Variants in KBTBD7 observed in about 807,000 individuals in gnomAD.
KBTBD7 encodes kelch repeat and BTB domain containing 7, also known as kelch repeat and BTB domain-containing protein 7.
A neutral mutation model predicts 50.3 loss-of-function variants in KBTBD7; 25 were observed. The observed-to-expected ratio is 0.50, with a 90% CI of 0.36 to 0.69. KBTBD7 has a LOEUF of 0.69. Ranked by LOEUF, KBTBD7 falls within the 30% of genes least tolerant of loss-of-function variation. The pLI is 0.00. For synonymous variants in KBTBD7, 305 were observed against 325.3 expected, an observed-to-expected ratio of 0.94 and a Z score of 0.67; for missense variants, 653 against 869.5, an observed-to-expected ratio of 0.75 and a Z score of 3.13.
In KBTBD7 at chr13:41,192,924, G is replaced by A; in HGVS notation, c.1334C>T (p.Pro445Leu). 1.2e-6 allele frequency: 2 copies of A among 1,614,208 alleles called. No individual in the cohort carries two copies. The highest frequency in any genetic ancestry group is 8.5e-7 in the Non-Finnish European group (1 of 1,180,038). Residue 445 changes from proline (P) to leucine (L), a missense_variant, in exon 1 of 1, where the codon CCT becomes CTT. Around this residue, in one of 3 missense-constraint regions of KBTBD7, gnomAD observed 526 missense variants for 717.1 expected, o/e 0.73. Coordinates refer to ENST00000379483, the MANE Select transcript of KBTBD7 (RefSeq NM_032138.7). ...GYIYILGGRD[P>L]ITGVKLKEVE... ...TTCCTTCAACTTAACTCCAGTAATA[G>A]GGTCTCGTCCCCCCAAAATGTAGAT...
In KBTBD7 at chr13:41,194,245, C is replaced by G; in HGVS notation, c.13G>C (p.Glu5Gln). MQSREDVPRSRRLAS... is the reference protein window; with the variant it reads MQSRQDVPRSRRLAS... ...AGGCGGCGAGAGCGCGGGACGTCTT[C>G]CCGGGACTGCATGGTGGAGATGGCG... is the stretch of plus-strand genomic sequence containing the variant. Residue 5 changes from glutamate (E) to glutamine (Q), a missense_variant, in exon 1 of 1, where the codon GAA (glutamate) becomes CAA (glutamine). Transcript: ENST00000379483. 2 of 1,613,894 alleles carry G rather than the reference C, an allele frequency of 1.2e-6. No homozygotes were observed. The highest frequency in any genetic ancestry group is 1.3e-5 in the African/African-American group (1 of 75,064).
In KBTBD7 at chr13:41,193,031, T is replaced by C. The variant is rs539348551; in HGVS notation, c.1227A>G (p.Lys409=). ...AQPRKDLWVY[K]PAQNSWQQLA... is the part of the protein sequence containing the mutation. ...GTTGCTGCCAACTATTCTGAGCTGG[T>C]TTATACACCCAGAGGTCTTTCCTGG... The change falls in exon 1 of 1, where the codon AAA becomes AAG. Residue 409 remains lysine, a synonymous_variant. Coordinates refer to ENST00000379483, the MANE Select transcript of KBTBD7 (RefSeq NM_032138.7). The surrounding 1 kb of genome is among the most constrained non-coding windows in gnomAD (Gnocchi z 5.7). The C allele has an allele frequency of 6.2e-7, 1 of 1,614,202 alleles. No individual in the cohort carries two copies. Among genetic ancestry groups the C allele is most frequent in the South Asian group, 1.1e-5 (1 of 91,082 alleles).
Position 41,193,506 on chromosome 13 carries a change from G to T in KBTBD7, c.752C>A (p.Ala251Asp). The T allele has an allele frequency of 6.2e-7, 1 of 1,614,178 alleles. No individual in the cohort carries two copies. Among genetic ancestry groups the T allele is most frequent in the Non-Finnish European group, 8.5e-7 (1 of 1,180,048 alleles). ...TGCAGCACTGGGACCCCGCTCTTTG[G>T]CAGCAGCCTCCAGCCACTGCACAGC... ...HVAVQWLEAA[A>D]KERGPSAAEV... is the part of the protein sequence containing the mutation. Residue 251 changes from alanine (A) to aspartate (D), a missense_variant, in exon 1 of 1, where the codon GCC (alanine) becomes GAC (aspartate). Ala to Asp is a moderately radical substitution (Grantham distance 126). Around this residue, in one of 3 missense-constraint regions of KBTBD7, gnomAD observed 526 missense variants for 717.1 expected, o/e 0.73. Transcript: ENST00000379483. This position sits in a 1 kb window ranked among gnomAD's most constrained non-coding sequence, Gnocchi z 5.7.
In KBTBD7 at chr13:41,191,552, C is replaced by CTTTTTTTTTTTTTTTTT. The variant is rs1206275963; in HGVS notation, c.*634_*650dup. The CTTTTTTTTTTTTTTTTT allele has an allele frequency of 2.0e-5, 1 of 50,828 alleles. No individual in the cohort carries two copies. The highest frequency in any genetic ancestry group is 6.3e-5 in the Non-Finnish European group (1 of 15,784). The allele number at this position is 50,828 out of a possible 1,614,324, so 3.1% of individuals were successfully genotyped here. Reference sequence around the variant, plus strand: ...TAAAACAGTGGAATCCTGATTTTTTCTTTTTTTTTTTTTTTTTTTTTACTT... The same window carrying CTTTTTTTTTTTTTTTTT: ...TAAAACAGTGGAATCCTGATTTTTTCTTTTTTTTTTTTTTTTTTTTTTTTTTTTTTTTTTTTTTACTT... On this transcript the variant is annotated 3_prime_UTR_variant, in exon 1 of 1. Transcript: ENST00000379483.
Position 41,194,311 on chromosome 13 carries a change from G to GGCTCCTCCTCAACCTTCCCTC in KBTBD7, c.-75_-55dup. 1 of 1,582,344 alleles carries GGCTCCTCCTCAACCTTCCCTC rather than the reference G, an allele frequency of 6.3e-7. No homozygotes were observed. Among genetic ancestry groups the GGCTCCTCCTCAACCTTCCCTC allele is most frequent in the Non-Finnish European group, 8.6e-7 (1 of 1,164,204 alleles). ...GAGAAAGGCTGCAGGACCAGGCTCTGGCTCCTCCTCAACCTTCCCTCGCTG... is the reference window on the plus strand; with the variant it reads ...GAGAAAGGCTGCAGGACCAGGCTCTGGCTCCTCCTCAACCTTCCCTCGCTCCTCCTCAACCTTCCCTCGCTG... On this transcript the variant is annotated 5_prime_UTR_variant, in exon 1 of 1. Transcript: ENST00000379483.
rs1281625126 is a variant in KBTBD7 at position 41,193,015 on chromosome 13, A to G, written c.1243T>C (p.Trp415Arg). 1.2e-6 allele frequency: 2 copies of G among 1,614,234 alleles called. No individual in the cohort carries two copies. The highest frequency in any genetic ancestry group is 2.2e-5 in the South Asian group (2 of 91,082). Residue 415 changes from tryptophan to arginine, a missense_variant, in exon 1 of 1, where the codon TGG becomes CGG. Trp to Arg is a moderately radical substitution (Grantham distance 101, BLOSUM62 -3). Coordinates refer to ENST00000379483, the MANE Select transcript of KBTBD7 (RefSeq NM_032138.7). The surrounding 1 kb of genome is among the most constrained non-coding windows in gnomAD (Gnocchi z 5.7). The stretch of plus-strand genomic sequence containing the variant: ...AGCAAGCGATCTGCAAGTTGCTGCC[A>G]ACTATTCTGAGCTGGTTTATACACC... ...LWVYKPAQNS[W>R]QQLADRLLCR...
chr13:41,192,479 A>G lies in KBTBD7; in HGVS notation c.1779T>C (p.Asp593=). The G allele has an allele frequency of 6.2e-7, 1 of 1,614,190 alleles. No homozygotes were observed. The highest frequency in any genetic ancestry group is 8.5e-7 in the Non-Finnish European group (1 of 1,180,030). The part of the protein sequence containing the change: ...VTVYEYDTRE[D]QWINIGTMLG... Reference sequence around the variant, plus strand: ...ACATGGTACCTATATTAATCCACTGATCTTCCCTAGTATCATACTCATACA... The same window carrying G: ...ACATGGTACCTATATTAATCCACTGGTCTTCCCTAGTATCATACTCATACA... The change falls in exon 1 of 1, where the codon GAT becomes GAC. Residue 593 remains aspartate (D), a synonymous_variant. Transcript: ENST00000379483.
Position 41,194,056 on chromosome 13 carries a change from C to T in KBTBD7, c.202G>A (p.Glu68Lys), listed in dbSNP as rs2031467737. ...GGCCCGCTGCCAGGCGTCACCACCT[C>T]GATGGTCACATCACACAGCAGCCGC... ...DARLLCDVTIEVVTPGSGPGT... is the reference protein window; with the variant it reads ...DARLLCDVTIKVVTPGSGPGT... The change falls in exon 1 of 1, where the codon GAG becomes AAG. Residue 68 changes from glutamate to lysine, a missense_variant. By Grantham distance (56) the Glu-to-Lys change is moderately conservative (BLOSUM62 1). Coordinates refer to ENST00000379483, the MANE Select transcript of KBTBD7 (RefSeq NM_032138.7). The T allele has an allele frequency of 1.9e-6, 3 of 1,614,160 alleles. No individual in the cohort carries two copies. The highest frequency in any genetic ancestry group is 2.5e-6 in the Non-Finnish European group (3 of 1,180,030).
At position 41,193,775 on chromosome 13, in the gene KBTBD7, G is replaced by A. The variant is rs2031457279; in HGVS notation, c.483C>T (p.Ala161=). 3 of 1,614,234 alleles carry A rather than the reference G, an allele frequency of 1.9e-6. No homozygotes were observed. The highest frequency in any genetic ancestry group is 2.5e-6 in the Non-Finnish European group (3 of 1,180,036). The change falls in exon 1 of 1, where the codon GCC becomes GCT. Residue 161 remains alanine (A), a synonymous_variant. Transcript: ENST00000379483. This position sits in a 1 kb window ranked among gnomAD's most constrained non-coding sequence, Gnocchi z 5.7. Reference sequence around the variant, plus strand: ...GGTCAAGACGTCGGGCTAAGAAGGAGGCACAGGCTTCCCGCACATATTCCA... The same window carrying A: ...GGTCAAGACGTCGGGCTAAGAAGGAAGCACAGGCTTCCCGCACATATTCCA... ...LQLEYVREAC[A]SFLARRLDLT... is the part of the protein sequence containing the mutation.
At position 41,192,019 on chromosome 13, in the gene KBTBD7, A is replaced by T; in HGVS notation, c.*184T>A. 1.9e-6 allele frequency: 1 copy of T among 528,008 alleles called. No homozygotes were observed. Among genetic ancestry groups the T allele is most frequent in the Non-Finnish European group, 3.3e-6 (1 of 301,490 alleles). The allele number at this position is 528,008 out of a possible 1,614,324, so 32.7% of individuals were successfully genotyped here. A position where few individuals can be genotyped will look rare whatever the true frequency, so the allele number is the denominator to read the frequency against. ...TTCCATATTTTAATTCTGGACTTTC[A>T]GGATGGTAAATTATTAAACAGGTCG... On this transcript the variant is annotated 3_prime_UTR_variant, in exon 1 of 1. Transcript: ENST00000379483.
Position 41,192,279 on chromosome 13 carries a change from C to T in KBTBD7, c.1979G>A (p.Ser660Asn), listed in dbSNP as rs2031409078. The T allele has an allele frequency of 6.2e-7, 1 of 1,614,178 alleles. No individual in the cohort carries two copies. Among genetic ancestry groups the T allele is most frequent in the Non-Finnish European group, 8.5e-7 (1 of 1,180,030 alleles). The change falls in exon 1 of 1, where the codon AGT becomes AAT. Residue 660 changes from serine (S) to asparagine (N), a missense_variant. Physicochemically the swap from Ser to Asn is conservative, Grantham distance 46. Transcript: ENST00000379483. ...SELDSESGSSSSFSDDEVWVQ... is the reference protein window; with the variant it reads ...SELDSESGSSNSFSDDEVWVQ... ...CCAGACTTCATCATCTGAAAAAGAA[C>T]TTGAACTTCCTGACTCAGAGTCCAG...
Position 41,193,639 on chromosome 13 carries a change from C to A in KBTBD7, c.619G>T (p.Gly207Cys), listed in dbSNP as rs2031452983. ...GCTAGAGTCTCCTCCCGAATTGAAC[C>A]CATTCGGCTGAGCTGCTTGAAGTTG... ...AHNFKQLSRM[G>C]SIREETLADL... Residue 207 changes from glycine (G) to cysteine (C), a missense_variant, in exon 1 of 1, where the codon GGT becomes TGT. Physicochemically the swap from Gly to Cys is radical, Grantham distance 159. Around this residue, in one of 3 missense-constraint regions of KBTBD7, gnomAD observed 526 missense variants for 717.1 expected, o/e 0.73. Transcript: ENST00000379483. The surrounding 1 kb of genome is among the most constrained non-coding windows in gnomAD (Gnocchi z 5.7). The A allele has an allele frequency of 1.2e-6, 2 of 1,614,212 alleles. No individual in the cohort carries two copies. Among genetic ancestry groups the A allele is most frequent in the Non-Finnish European group, 1.7e-6 (2 of 1,180,042 alleles).
At position 41,192,147 on chromosome 13, in the gene KBTBD7, T is replaced by A. The variant is rs781753554; in HGVS notation, c.*56A>T. 1.3e-6 allele frequency: 2 copies of A among 1,505,456 alleles called. No individual in the cohort carries two copies. Among genetic ancestry groups the A allele is most frequent in the Non-Finnish European group, 1.8e-6 (2 of 1,119,938 alleles). The allele number at this position is 1,505,456 out of a possible 1,614,324, so 93.3% of individuals were successfully genotyped here. Reference sequence around the variant, plus strand: ...TTTTTTCCAAGAAAAAGAAACGATATGTGTTTAAAATACATTCCGTAGCAG... The same window carrying A: ...TTTTTTCCAAGAAAAAGAAACGATAAGTGTTTAAAATACATTCCGTAGCAG... On this transcript the variant is annotated 3_prime_UTR_variant, in exon 1 of 1. Transcript: ENST00000379483.
chr13:41,194,093 G>C lies in KBTBD7; in HGVS notation c.165C>G (p.Ser55=). 2 of 1,614,226 alleles carry C rather than the reference G, an allele frequency of 1.2e-6. No individual in the cohort carries two copies. Among genetic ancestry groups the C allele is most frequent in the Non-Finnish European group, 1.7e-6 (2 of 1,180,038 alleles). Reference sequence around the variant, plus strand: ...CACACAGCAGCCGCGCGTCGTAGAAGGACTTGAGCTGTGCCAGCAGGGCTG... The same window carrying C: ...CACACAGCAGCCGCGCGTCGTAGAACGACTTGAGCTGTGCCAGCAGGGCTG... ...HSAALLAQLK[S]FYDARLLCDV... Residue 55 remains serine (S), a synonymous_variant, in exon 1 of 1, where the codon TCC becomes TCG. Transcript: ENST00000379483.
rs755109456 is a variant in KBTBD7, at chr13:41,193,604, G to C, written c.654C>G (p.Thr218=). The C allele has an allele frequency of 2.5e-6, 4 of 1,614,064 alleles. No individual in the cohort carries two copies. The Admixed American group carries it at 6.7e-5, about 27-fold the overall frequency. ...GTAGGACAGCCAGCAGCTGGGCCAG[G>C]GTTAGATCTGCTAGAGTCTCCTCCC... ...SIREETLADL[T]LAQLLAVLRL... The change falls in exon 1 of 1, where the codon ACC becomes ACG. Residue 218 remains threonine (T), a synonymous_variant. Coordinates refer to ENST00000379483, the MANE Select transcript of KBTBD7 (RefSeq NM_032138.7). This position sits in a 1 kb window ranked among gnomAD's most constrained non-coding sequence, Gnocchi z 5.7.
Position 41,193,189 on chromosome 13 carries a change from G to A in KBTBD7, c.1069C>T (p.Leu357Phe). ...IFFGHPRDPFLCYDPYSGDIY... is the reference protein window; with the variant it reads ...IFFGHPRDPFFCYDPYSGDIY... ...TCCCCCGAGTAAGGGTCATAGCAGA[G>A]AAAGGGATCTCTAGGATGTCCAAAG... is the stretch of plus-strand genomic sequence containing the variant. Residue 357 changes from leucine to phenylalanine, a missense_variant, in exon 1 of 1, where the codon CTC (leucine) becomes TTC (phenylalanine). This residue lies in a region of KBTBD7 where 526 missense variants were observed against 717.1 expected (regional missense o/e 0.73). Coordinates refer to ENST00000379483, the MANE Select transcript of KBTBD7 (RefSeq NM_032138.7). This position sits in a 1 kb window ranked among gnomAD's most constrained non-coding sequence, Gnocchi z 5.7. 6.2e-7 allele frequency: 1 copy of A among 1,614,154 alleles called. No individual in the cohort carries two copies. Among genetic ancestry groups the A allele is most frequent in the Non-Finnish European group, 8.5e-7 (1 of 1,180,026 alleles).
rs374359835 is a variant in KBTBD7 at position 41,192,418 on chromosome 13, G to A, written c.1840C>T (p.Leu614Phe). 6.2e-7 allele frequency: 1 copy of A among 1,614,128 alleles called. No homozygotes were observed. The highest frequency in any genetic ancestry group is 1.1e-5 in the South Asian group (1 of 91,072). ...CAGGAAGGATAAACACGAGCACAAA[G>A]GCAAATAAAGCCAGAGTCAAACTGC... Reference protein sequence around the residue: ...LLQFDSGFICLCARVYPSCLE... With the variant: ...LLQFDSGFICFCARVYPSCLE... Residue 614 changes from leucine (L) to phenylalanine (F), a missense_variant, in exon 1 of 1, where the codon CTT becomes TTT. By Grantham distance (22) the Leu-to-Phe change is conservative (BLOSUM62 0). This residue lies in a region of KBTBD7 where 526 missense variants were observed against 717.1 expected (regional missense o/e 0.73). Transcript: ENST00000379483.
Position 41,192,107 on chromosome 13 carries a change from T to C in KBTBD7, c.*96A>G. ...TATTACCCTTTCTAAACCAAATCTG[T>C]GGTCCTAATCAACTTTTTTTCCAAG... On this transcript the variant is annotated 3_prime_UTR_variant, in exon 1 of 1. Transcript: ENST00000379483. 1 of 1,210,978 alleles carries C rather than the reference T, an allele frequency of 8.3e-7. No individual in the cohort carries two copies. The highest frequency in any genetic ancestry group is 1.2e-6 in the Non-Finnish European group (1 of 855,844). The allele number at this position is 1,210,978 out of a possible 1,614,324, so 75.0% of individuals were successfully genotyped here.
Position 41,193,613 on chromosome 13 carries a change from T to C in KBTBD7, c.645A>G (p.Ala215=), listed in dbSNP as rs1276824217. The C allele has an allele frequency of 1.3e-5, 21 of 1,614,214 alleles. No homozygotes were observed. Among genetic ancestry groups the C allele is most frequent in the Non-Finnish European group, 1.5e-5 (18 of 1,180,032 alleles). ...CCAGCAGCTGGGCCAGGGTTAGATC[T>C]GCTAGAGTCTCCTCCCGAATTGAAC... is the stretch of plus-strand genomic sequence containing the variant. ...RMGSIREETL[A]DLTLAQLLAV... The change falls in exon 1 of 1, where the codon GCA becomes GCG. Residue 215 remains alanine (A), a synonymous_variant. Coordinates refer to ENST00000379483, the MANE Select transcript of KBTBD7 (RefSeq NM_032138.7). The surrounding 1 kb of genome is among the most constrained non-coding windows in gnomAD (Gnocchi z 5.7).
Sources: allele counts gnomAD v4.1 joint callset, GRCh38; gene constraint gnomAD v4.1.1; regional missense constraint gnomAD v4.1.1; non-coding constraint Gnocchi (gnomAD v3.1); transcripts MANE v1.5; gene names NCBI Gene and HGNC (gene_info 2026-07-23, HGNC 2026-07-21).